ATG12: variants seen among roughly 807,000 people sequenced by gnomAD.
ATG12 encodes ubiquitin-like protein ATG12.
Under a neutral mutation model 17.6 loss-of-function variants are expected in ATG12, and 19 were observed. That is an observed-to-expected ratio of 1.08 (90% CI 0.75 to 1.58). The LOEUF (loss-of-function observed/expected upper bound fraction) is 1.58, where lower values mean the gene tolerates loss of function less well. ATG12 is among the 40% of genes most tolerant of loss of function. The pLI, the probability that ATG12 is intolerant of heterozygous loss-of-function variation, is 0.00. For synonymous variants in ATG12, 75 were observed against 62.4 expected, an observed-to-expected ratio of 1.20 and a Z score of -0.95; for missense variants, 214 against 162.0, an observed-to-expected ratio of 1.32 and a Z score of -1.74.
chr5:115,832,545 T>C (rs1180291805), intron 3 of ATG12, 57 bp downstream of exon 3: 1 of 1,461,454 alleles, frequency 6.8e-7, no homozygotes, highest in East Asian at 2.7e-5. Context: ...CATACTCGAT[T>C]AAGAAAAAAA....
rs1252061851 is a variant in ATG12, at chr5:115,831,678, T to TA, written c.*125dup. 1.2e-6 allele frequency: 1 copy of TA among 844,780 alleles called. No homozygotes were observed. The highest frequency in any genetic ancestry group is 2.7e-5 in the East Asian group (1 of 37,704). The allele number at this position is 844,780 out of a possible 1,614,324, so 52.3% of individuals were successfully genotyped here. A position where few individuals can be genotyped will look rare whatever the true frequency, so the allele number is the denominator to read the frequency against. Reference sequence around the variant, plus strand: ...ATGGATGTTTTCTTATGCATAAACATAGAGTAGACACATACTAAATAGATC... The same window carrying TA: ...ATGGATGTTTTCTTATGCATAAACATAAGAGTAGACACATACTAAATAGATC... On this transcript the variant is annotated 3_prime_UTR_variant, in exon 4 of 4. Transcript: ENST00000509910.
Position 115,829,118 on chromosome 5 carries a change from G to C in ATG12, c.*2686C>G, listed in dbSNP as rs1036067089. The stretch of plus-strand genomic sequence containing the variant: ...ATACGATTTGAACTGTATTCAAATA[G>C]TAGTATTTGCTGAACTGTTTTCTGA... On this transcript the variant is annotated 3_prime_UTR_variant, in exon 4 of 4. Transcript: ENST00000509910. 1 of 152,208 alleles carries C rather than the reference G, an allele frequency of 6.6e-6. No individual in the cohort carries two copies. Among genetic ancestry groups the C allele is most frequent in the African/African-American group, 2.4e-5 (1 of 41,462 alleles). 9.4% of individuals were successfully genotyped at this position (152,208 alleles called of 1,614,324 possible). A position where few individuals can be genotyped will look rare whatever the true frequency, so the allele number is the denominator to read the frequency against.
chr5:115,835,603 T>C (rs1201128489), intron 2 of ATG12, among the ~76,000 whole-genome samples: 3 of 151,942 alleles, frequency 2.0e-5, no homozygotes, highest in East Asian at 1.9e-4. Flanking sequence ...TGGGTCCATT[T>C]TGAGATTGTT....
At chr5:115,837,894 TGA>T (rs1761172405) in intron 1 of ATG12, 130 bp from the exon 2 acceptor site, 5 of 737,070 alleles carry the variant, frequency 6.8e-6, no homozygotes, top group Middle Eastern at 3.1e-4. Context: ...TGAAGATATG[TGA>T]GAGATGTAAA....
chr5:115,836,802 T>G (rs187909586), intron 2 of ATG12, among the ~76,000 whole-genome samples: 1 of 152,328 alleles, frequency 6.6e-6, no homozygotes, highest in Non-Finnish European at 1.5e-5. Context: ...AAAAAACACT[T>G]AATGTGCCAA....
rs905606540 is a variant in ATG12 at position 115,830,349 on chromosome 5, C to T, written c.*1455G>A. 2 of 151,918 alleles carry T rather than the reference C, an allele frequency of 1.3e-5. No homozygotes were observed. Among genetic ancestry groups the T allele is most frequent in the African/African-American group, 4.8e-5 (2 of 41,364 alleles). 9.4% of individuals were successfully genotyped at this position (151,918 alleles called of 1,614,324 possible). A position where few individuals can be genotyped will look rare whatever the true frequency, so the allele number is the denominator to read the frequency against. ...CTCAGTGGCAAACAATACGAAAATT[C>T]AACATATTTTTATTTGTTAAATATA... On this transcript the variant is annotated 3_prime_UTR_variant, in exon 4 of 4. Transcript: ENST00000509910.
At chr5:115,841,074 A>ACCCCCCCCCCCCCCCCCCACCCC in intron 1 of ATG12, 1 of 358,796 alleles carries the variant, frequency 2.8e-6, no homozygotes, top group Admixed American at 4.1e-5. Context: ...AATTACCGAG[A>ACCCCCCCCCCCCCCCCCCACCCC]CCCCCCTCCC....
chr5:115,837,707 G>A lies in ATG12; in HGVS notation c.221C>T (p.Ala74Val), dbSNP rs1284029839. The part of the protein sequence containing the change: ...DTPIMKTKKW[A>V]VERTRTIQGL... ...TTGGATGGTTCGTGTTCGCTCTACTGCCCACTTCTTTGTTTTCATAATAGG... is the reference window on the plus strand; with the variant it reads ...TTGGATGGTTCGTGTTCGCTCTACTACCCACTTCTTTGTTTTCATAATAGG... The change falls in exon 2 of 4, where the codon GCA (alanine) becomes GTA (valine). Residue 74 changes from alanine (A) to valine (V), a missense_variant. Physicochemically the swap from Ala to Val is moderately conservative, Grantham distance 64 (BLOSUM62 0). Transcript: ENST00000509910. 11 of 1,612,660 alleles carry A rather than the reference G, an allele frequency of 6.8e-6. No homozygotes were observed. Among genetic ancestry groups the A allele is most frequent in the East Asian group, 2.2e-5 (1 of 44,860 alleles).
rs182474415 is a variant in ATG12, at chr5:115,829,054, C to A, written c.*2750G>T. ...CATCTTCAAAGAATGGTGAATAATCCAGTTTGGGTTAAATAATGTAGGCAG... is the reference window on the plus strand; with the variant it reads ...CATCTTCAAAGAATGGTGAATAATCAAGTTTGGGTTAAATAATGTAGGCAG... On this transcript the variant is annotated 3_prime_UTR_variant, in exon 4 of 4. Transcript: ENST00000509910. 1 of 152,182 alleles carries A rather than the reference C, an allele frequency of 6.6e-6. No homozygotes were observed. The highest frequency in any genetic ancestry group is 6.5e-5 in the Admixed American group (1 of 15,282). 9.4% of individuals were successfully genotyped at this position (152,182 alleles called of 1,614,324 possible). A position where few individuals can be genotyped will look rare whatever the true frequency, so the allele number is the denominator to read the frequency against.
Position 115,829,240 on chromosome 5 carries a change from A to G in ATG12, c.*2564T>C, listed in dbSNP as rs1760764674. The G allele has an allele frequency of 6.6e-6, 1 of 152,346 alleles. No homozygotes were observed. Among genetic ancestry groups the G allele is most frequent in the Non-Finnish European group, 1.5e-5 (1 of 68,024 alleles). 9.4% of individuals were successfully genotyped at this position (152,346 alleles called of 1,614,324 possible). On this transcript the variant is annotated 3_prime_UTR_variant, in exon 4 of 4. Coordinates refer to ENST00000509910, the MANE Select transcript of ATG12 (RefSeq NM_004707.4). ...GGAAAATGAAGCAGAAACTGCATGA[A>G]AAGAGATTTTTATTTTCACACTCCT...
At chr5:115,832,540 T>A in intron 3 of ATG12, 62 bp downstream of exon 3, 2 of 1,440,844 alleles carry the variant, frequency 1.4e-6, no homozygotes, top group Non-Finnish European at 1.8e-6. Context: ...ATGTGCATAC[T>A]CGATTAAGAA....
chr5:115,840,730 G>T, intron 1 of ATG12: 1 of 1,183,718 alleles, frequency 8.4e-7, no homozygotes, highest in Non-Finnish European at 1.1e-6. Context: ...TTTAGAACAC[G>T]TAATTTTAGC....
At chr5:115,835,823 A>C (rs1761073330) in intron 2 of ATG12, among the ~76,000 whole-genome samples, 1 of 152,132 alleles carries the variant, frequency 6.6e-6, no homozygotes, top group Non-Finnish European at 1.5e-5. Flanking sequence ...GATACCATGC[A>C]GGTCCTGTGG....
rs765464185 is a variant in ATG12, at chr5:115,841,457, C to T, written c.96G>A (p.Pro32=). ...LTDVSPETTT[P]EPPSSAAVSP... Reference sequence around the variant, plus strand: ...AAACTGCAGCGGAAGACGGGGGCTCCGGGGTGGTTGTTTCTGGGGAGACAT... The same window carrying T: ...AAACTGCAGCGGAAGACGGGGGCTCTGGGGTGGTTGTTTCTGGGGAGACAT... The change falls in exon 1 of 4, where the codon CCG becomes CCA. Residue 32 remains proline, a synonymous_variant. Coordinates refer to ENST00000509910, the MANE Select transcript of ATG12 (RefSeq NM_004707.4). 1 of 1,611,136 alleles carries T rather than the reference C, an allele frequency of 6.2e-7. No homozygotes were observed. Among genetic ancestry groups the T allele is most frequent in the Non-Finnish European group, 8.5e-7 (1 of 1,179,280 alleles).
At position 115,828,533 on chromosome 5, in the gene ATG12, G is replaced by C. The variant is rs1760729295; in HGVS notation, c.*3271C>G. On this transcript the variant is annotated 3_prime_UTR_variant, in exon 4 of 4. Coordinates refer to ENST00000509910, the MANE Select transcript of ATG12 (RefSeq NM_004707.4). ...GTATCTTTTTGTGAATCGAAATTTG[G>C]TATGTTTTGCCTATTTTTCAGTTGG... 2 of 152,078 alleles carry C rather than the reference G, an allele frequency of 1.3e-5. No homozygotes were observed. The highest frequency in any genetic ancestry group is 2.9e-5 in the Non-Finnish European group (2 of 67,994). The allele number at this position is 152,078 out of a possible 1,614,324, so 9.4% of individuals were successfully genotyped here.
chr5:115,840,269 T>C lies in ATG12; in HGVS notation c.163+1121A>G, dbSNP rs542741936. Among the ~76,000 whole-genome samples the C allele has an allele frequency of 4.9e-4, 75 of 151,866 alleles. 3 individuals carry two copies. The South Asian group carries it at 0.015, about 30-fold the overall frequency. ...GAATTATCCTCCACAGTAGCAGAAG[T>C]TGAAGAAAAAGCAATGAGACCAATG... On this transcript the variant is annotated intron_variant, in intron 1 of 3. Coordinates refer to ENST00000509910, the MANE Select transcript of ATG12 (RefSeq NM_004707.4).
rs1306399266 is a variant in ATG12, at chr5:115,831,699, A to G, written c.*105T>C. On this transcript the variant is annotated 3_prime_UTR_variant, in exon 4 of 4. Coordinates refer to ENST00000509910, the MANE Select transcript of ATG12 (RefSeq NM_004707.4). ...AACATAGAGTAGACACATACTAAAT[A>G]GATCACATCTGTTAAGTCTCTTGCC... 1 of 1,019,788 alleles carries G rather than the reference A, an allele frequency of 9.8e-7. No homozygotes were observed. The highest frequency in any genetic ancestry group is 1.6e-5 in the African/African-American group (1 of 62,054). 63.2% of individuals were successfully genotyped at this position (1,019,788 alleles called of 1,614,324 possible).
At chr5:115,838,699 G>A (rs1330941203) in intron 1 of ATG12, 1 of 152,198 alleles carries the variant, frequency 6.6e-6, no homozygotes, top group East Asian at 1.9e-4. Context: ...TGCAGAAAGA[G>A]AAATCTTAAG....
intron 1 of ATG12, 198 bp from the exon 2 acceptor site, chr5:115,837,962 G>A: frequency 2.2e-6 from 1 of 451,092 alleles, no homozygotes; most frequent in Middle Eastern, 5.8e-4. Context: ...TCTCCCAACA[G>A]GACTAATTTT....
Sources: gnomAD v4.1 joint callset for allele counts (sites outside exome capture counted in the v4.1 genomes callset) on GRCh38, gnomAD v4.1.1 for gene constraint, MANE v1.5 for transcripts, NCBI Gene and HGNC (gene_info 2026-07-23, HGNC 2026-07-21) for gene names.